The following ZNF475 variants were observed in gnomAD, a reference collection of about 807,000 sequenced individuals.
ZNF475 encodes zinc finger protein 475.
the ZNF475 span, among the ~76,000 whole-genome samples, chr5:122,182,082 C>A: frequency 6.6e-6 from 1 of 152,208 alleles, no homozygotes; most frequent in African/African-American, 2.4e-5. Context: ...TGCTCATTCC[C>A]CTTTGTAAGC....
chr5:122,173,760 GA>G, the ZNF475 span, among the ~76,000 whole-genome samples: 24 of 152,138 alleles, frequency 1.6e-4, no homozygotes, highest in Non-Finnish European at 3.1e-4. Context: ...ACTTTCCCAG[GA>G]AACTGAGAGC....
chr5:122,176,964 C>T, the ZNF475 span, among the ~76,000 whole-genome samples: 1 of 152,160 alleles, frequency 6.6e-6, no homozygotes, highest in Admixed American at 6.5e-5. Flanking sequence ...TTAACTCTCC[C>T]ATAGATTTGG....
At chr5:122,179,817 G>C in the ZNF475 span, 2 of 1,029,386 alleles carry the variant, frequency 1.9e-6, no homozygotes, top group African/African-American at 1.6e-5. Context: ...TTTTTCACTT[G>C]TTCAAACGAC....
the ZNF475 span, among the ~76,000 whole-genome samples, chr5:122,173,984 C>T: frequency 2.0e-5 from 3 of 152,210 alleles, no homozygotes; most frequent in Non-Finnish European, 2.9e-5. Context: ...TCCTCTTTGC[C>T]TTTCTTGGAT....
At chr5:122,169,272 G>T in the ZNF475 span, among the ~76,000 whole-genome samples, 1 of 152,090 alleles carries the variant, frequency 6.6e-6, no homozygotes, top group Non-Finnish European at 1.5e-5. Context: ...CACTTCATTG[G>T]CTTCTGATCA....
the ZNF475 span, among the ~76,000 whole-genome samples, chr5:122,179,186 G>C: frequency 6.6e-6 from 1 of 152,046 alleles, no homozygotes; most frequent in African/African-American, 2.4e-5. Context: ...TTCCAGCTTT[G>C]TTCTTCTTTT....
chr5:122,170,100 G>T, the ZNF475 span, among the ~76,000 whole-genome samples: 20 of 152,172 alleles, frequency 1.3e-4, no homozygotes, highest in African/African-American at 3.1e-4. Flanking sequence ...AAATAAAATA[G>T]TATTGGAATA....
the ZNF475 span, among the ~76,000 whole-genome samples, chr5:122,170,293 T>A: frequency 6.6e-6 from 1 of 152,154 alleles, no homozygotes; most frequent in Non-Finnish European, 1.5e-5. Context: ...GGGCTCAGTC[T>A]CACAAGACTG....
At chr5:122,171,969 C>G in the ZNF475 span, among the ~76,000 whole-genome samples, 1 of 152,030 alleles carries the variant, frequency 6.6e-6, no homozygotes, top group African/African-American at 2.4e-5. Context: ...GGTCTCAAAC[C>G]CTTCGGCTCA....
chr5:122,173,928 T>C, the ZNF475 span, among the ~76,000 whole-genome samples: 1 of 152,220 alleles, frequency 6.6e-6, no homozygotes, highest in South Asian at 2.1e-4. Context: ...CAGGGAAAAC[T>C]GTTGATCTAA....
At chr5:122,178,509 G>T in the ZNF475 span, among the ~76,000 whole-genome samples, 3 of 152,180 alleles carry the variant, frequency 2.0e-5, no homozygotes, top group Admixed American at 6.5e-5. Flanking sequence ...TTTTTCATAT[G>T]TTTTTGGGCT....
chr5:122,163,823 T>C, the ZNF475 span, among the ~76,000 whole-genome samples: 2 of 152,208 alleles, frequency 1.3e-5, no homozygotes, highest in Admixed American at 1.3e-4. Context: ...ATCGGTCTCA[T>C]GCCTTAAAGT....
At chr5:122,175,788 C>T in the ZNF475 span, among the ~76,000 whole-genome samples, 1 of 152,152 alleles carries the variant, frequency 6.6e-6, no homozygotes, top group Non-Finnish European at 1.5e-5. Flanking sequence ...TTTTAATTAT[C>T]CTATTTTATT....
the ZNF475 span, among the ~76,000 whole-genome samples, chr5:122,172,726 AT>A: frequency 2.0e-5 from 3 of 152,196 alleles, no homozygotes; most frequent in Non-Finnish European, 4.4e-5. Flanking sequence ...CTTCTGTATA[AT>A]TAGTATAAGA....
At chr5:122,164,100 C>T in the ZNF475 span, among the ~76,000 whole-genome samples, 2 of 152,112 alleles carry the variant, frequency 1.3e-5, no homozygotes, top group African/African-American at 4.8e-5. Flanking sequence ...GTCACTGGCA[C>T]ATTAATGTGA....
the ZNF475 span, chr5:122,179,599 G>A: frequency 7.8e-4 from 1,188 of 1,528,692 alleles, 3 homozygotes; most frequent in Non-Finnish European, 7.9e-4. Flanking sequence ...ATTTGTGGTC[G>A]TGAATATGGA....
chr5:122,181,526 G>T, the ZNF475 span, among the ~76,000 whole-genome samples: 1 of 152,162 alleles, frequency 6.6e-6, no homozygotes, highest in South Asian at 2.1e-4. Flanking sequence ...CATGGAGCAA[G>T]AAAGTGAGTA....
the ZNF475 span, among the ~76,000 whole-genome samples, chr5:122,166,895 A>AT: frequency 6.6e-6 from 1 of 152,284 alleles, no homozygotes; most frequent in South Asian, 2.1e-4. Context: ...CTAGTTCTAG[A>AT]TCCTTGAGGA....
the ZNF475 span, chr5:122,162,406 T>C: frequency 6.6e-6 from 1 of 152,180 alleles, no homozygotes; most frequent in African/African-American, 2.4e-5. Context: ...ACACCAGAAG[T>C]AAATGTGAAA....
Sources: gnomAD v4.1 joint callset for allele counts (sites outside exome capture counted in the v4.1 genomes callset) on GRCh38, gnomAD v4.1.1 for gene constraint, MANE v1.5 for transcripts, NCBI Gene and HGNC (gene_info 2026-07-23, HGNC 2026-07-21) for gene names.